The following MRPL42 variants were observed in gnomAD, a reference collection of about 807,000 sequenced individuals.
MRPL42 encodes large ribosomal subunit protein mL42.
In MRPL42, 17 loss-of-function variants were observed where a neutral mutation model predicts 17.9. The observed-to-expected ratio is 0.95, with a 90% CI of 0.65 to 1.42. The LOEUF (loss-of-function observed/expected upper bound fraction) is 1.42, where lower values mean the gene tolerates loss of function less well. Ranked by LOEUF, MRPL42 falls within the 40% of genes most tolerant of loss-of-function variation. The pLI, the probability that MRPL42 is intolerant of heterozygous loss-of-function variation, is 0.00. For missense variants in MRPL42, 177 were observed against 175.2 expected (o/e 1.01, Z -0.06); for synonymous variants, 59 against 54.4 (o/e 1.08, Z -0.37).
intron 3 of MRPL42, among the ~76,000 whole-genome samples, chr12:93,478,743 G>A (rs1377626720): frequency 6.6e-6 from 1 of 152,012 alleles, no homozygotes; most frequent in African/African-American, 2.4e-5. Context: ...TTGAAACCAC[G>A]GTGAAACAAT....
chr12:93,497,771 A>G (rs550505254), intron 5 of MRPL42, among the ~76,000 whole-genome samples: 1 of 151,070 alleles, frequency 6.6e-6, no homozygotes, highest in Non-Finnish European at 1.5e-5. Flanking sequence ...TCCACTCAGG[A>G]AAAGAAAAAG....
intron 5 of MRPL42, among the ~76,000 whole-genome samples, chr12:93,496,548 T>C (rs1953508814): frequency 7.0e-6 from 1 of 142,562 alleles, no homozygotes; most frequent in Admixed American, 7.6e-5. Context: ...TAAGAGCAAA[T>C]AGCAGAGGAA....
intron 1 of MRPL42, among the ~76,000 whole-genome samples, chr12:93,468,683 A>G (rs763077843): frequency 3.9e-5 from 6 of 152,284 alleles, no homozygotes; most frequent in East Asian, 1.9e-4. Flanking sequence ...AGTTCCTCCA[A>G]TTGAGTAATA....
intron 3 of MRPL42, among the ~76,000 whole-genome samples, chr12:93,478,323 T>C (rs905165027): frequency 2.0e-5 from 3 of 151,280 alleles, no homozygotes; most frequent in African/African-American, 7.3e-5. Flanking sequence ...TGTCAGCTCA[T>C]TGCAGCCTCA....
At chr12:93,484,267 G>A (rs985967582) in intron 4 of MRPL42, among the ~76,000 whole-genome samples, 5 of 151,906 alleles carry the variant, frequency 3.3e-5, no homozygotes, top group East Asian at 1.9e-4. Context: ...TGGTTGAGAC[G>A]GGGTCTCACT....
At chr12:93,473,873 G>T (rs1360872636) in intron 2 of MRPL42, among the ~76,000 whole-genome samples, 1 of 152,074 alleles carries the variant, frequency 6.6e-6, no homozygotes, top group Admixed American at 6.6e-5. Flanking sequence ...CAGTCCTTAT[G>T]AATTTTTCAA....
chr12:93,484,653 G>T (rs1880618661), intron 4 of MRPL42, among the ~76,000 whole-genome samples: 1 of 151,910 alleles, frequency 6.6e-6, no homozygotes, highest in Non-Finnish European at 1.5e-5. Context: ...GTGGAATGCG[G>T]TGGCATGATC....
At chr12:93,500,279 G>C (rs1198276434) in intron 5 of MRPL42, among the ~76,000 whole-genome samples, 1 of 152,020 alleles carries the variant, frequency 6.6e-6, no homozygotes, top group Non-Finnish European at 1.5e-5. Flanking sequence ...GAATTACTAG[G>C]TCAAAAATTA....
intron 5 of MRPL42, among the ~76,000 whole-genome samples, chr12:93,496,770 C>A (rs1004784659): frequency 6.7e-6 from 1 of 150,136 alleles, no homozygotes; most frequent in Non-Finnish European, 1.5e-5. Context: ...ACAACCAATC[C>A]CAGAGAAATA....
At position 93,501,949 on chromosome 12, in the gene MRPL42, C is replaced by T. The variant is rs983438770; in HGVS notation, c.*728C>T. 1 of 127,530 alleles carries T rather than the reference C, an allele frequency of 7.8e-6. No individual in the cohort carries two copies. Among genetic ancestry groups the T allele is most frequent in the African/African-American group, 2.6e-5 (1 of 38,740 alleles). 7.9% of individuals were successfully genotyped at this position (127,530 alleles called of 1,614,324 possible). On this transcript the variant is annotated 3_prime_UTR_variant, in exon 6 of 6. Coordinates refer to ENST00000549982, the MANE Select transcript of MRPL42 (RefSeq NM_014050.4). ...CCCTTCCATCAATTCTTATTAAATT[C>T]TCAAAATAATCCTTTGAAAAGGGAG... is the stretch of plus-strand genomic sequence containing the variant.
intron 4 of MRPL42, among the ~76,000 whole-genome samples, chr12:93,487,048 C>T (rs575780221): frequency 2.0e-5 from 3 of 152,188 alleles, no homozygotes; most frequent in South Asian, 4.1e-4. Flanking sequence ...CAGGTAGCCT[C>T]GACCTCCTGG....
chr12:93,475,766 C>T (rs928352651), intron 2 of MRPL42, among the ~76,000 whole-genome samples: 6 of 151,910 alleles, frequency 3.9e-5, no homozygotes, highest in Admixed American at 6.6e-5. Context: ...AGGTGGATCA[C>T]GAGGTCAGGA....
intron 5 of MRPL42, among the ~76,000 whole-genome samples, chr12:93,499,732 T>G (rs1394122520): frequency 6.6e-6 from 1 of 152,180 alleles, no homozygotes; most frequent in African/African-American, 2.4e-5. Context: ...CAGCTGTACT[T>G]CGTTCATTTC....
At chr12:93,494,843 A>G (rs529537353) in intron 5 of MRPL42, among the ~76,000 whole-genome samples, 3 of 152,354 alleles carry the variant, frequency 2.0e-5, no homozygotes, top group South Asian at 2.1e-4. Flanking sequence ...AAATCAAGAT[A>G]GTATATTAAC....
rs192000329 is a variant in MRPL42, at chr12:93,469,180, T to G, written c.-94-12T>G. 5.1e-6 allele frequency: 4 copies of G among 788,894 alleles called. No individual in the cohort carries two copies. Among genetic ancestry groups the G allele is most frequent in the Non-Finnish European group, 8.1e-6 (4 of 492,578 alleles). 48.9% of individuals were successfully genotyped at this position (788,894 alleles called of 1,614,324 possible). ...CATAGGTAGCACTGATTTTTCTTTA[T>G]CTCTTCAGCAGGAGTAGAAATTGGT... On this transcript the variant is annotated splice_polypyrimidine_tract_variant and intron_variant, in intron 1 of 5. Coordinates refer to ENST00000549982, the MANE Select transcript of MRPL42 (RefSeq NM_014050.4).
At chr12:93,483,364 T>C (rs1186638212) in intron 4 of MRPL42, among the ~76,000 whole-genome samples, 1 of 152,176 alleles carries the variant, frequency 6.6e-6, no homozygotes, top group Admixed American at 6.5e-5. Flanking sequence ...CATCATAGAG[T>C]GTCACTTACG....
In MRPL42 at chr12:93,514,648, A is replaced by G. The variant is rs1953762762; in HGVS notation, c.*13427A>G. On this transcript the variant is annotated 3_prime_UTR_variant, in exon 6 of 6. Coordinates refer to ENST00000549982, the MANE Select transcript of MRPL42 (RefSeq NM_014050.4). ...TCTGCTTATGGTTTATAATCCTCAG[A>G]CTTGATTCTCCCCCTGAATCTATAT... The G allele has an allele frequency of 6.6e-6, 1 of 151,976 alleles. No homozygotes were observed. The highest frequency in any genetic ancestry group is 2.1e-4 in the South Asian group (1 of 4,820). The allele number at this position is 151,976 out of a possible 1,614,324, so 9.4% of individuals were successfully genotyped here.
intron 4 of MRPL42, among the ~76,000 whole-genome samples, chr12:93,479,799 A>G (rs1880368403): frequency 6.6e-6 from 1 of 151,752 alleles, no homozygotes. Flanking sequence ...CCATATTATA[A>G]TCTAGACAAT....
chr12:93,469,261 C>T lies in MRPL42; in HGVS notation c.-25C>T. The T allele has an allele frequency of 6.4e-7, 1 of 1,574,502 alleles. No homozygotes were observed. Among genetic ancestry groups the T allele is most frequent in the Non-Finnish European group, 8.6e-7 (1 of 1,159,164 alleles). On this transcript the variant is annotated 5_prime_UTR_variant, in exon 2 of 6. Transcript: ENST00000549982. ...CTCTTCAGAACATCTTTTTTCATAC[C>T]ACTTGATAAGCATCTTGAAACACCA...
Sources: gnomAD v4.1 joint callset for allele counts (sites outside exome capture counted in the v4.1 genomes callset) on GRCh38, gnomAD v4.1.1 for gene constraint, MANE v1.5 for transcripts, NCBI Gene and HGNC (gene_info 2026-07-23, HGNC 2026-07-21) for gene names.